SLC38A4: variants seen among roughly 807,000 people sequenced by gnomAD.
SLC38A4 encodes sodium-coupled neutral amino acid transporter 4.
A neutral mutation model predicts 63.1 loss-of-function variants in SLC38A4; 20 were observed. The ratio of observed to expected loss-of-function variants is 0.32; its 90% CI spans 0.22 to 0.46. The LOEUF (loss-of-function observed/expected upper bound fraction) is 0.46, where lower values mean the gene tolerates loss of function less well. Among genes scored for constraint, SLC38A4 ranks in the 20% least tolerant of loss-of-function variants. The pLI is 1.00. For synonymous variants in SLC38A4, 230 were observed against 225.5 expected (o/e 1.02, Z -0.18); for missense variants, 526 against 663.6 (o/e 0.79, Z 2.28).
upstream of SLC38A4, among the ~76,000 whole-genome samples, chr12:46,830,437 A>AC (rs1452073601): frequency 6.6e-6 from 1 of 151,344 alleles, no homozygotes; most frequent in African/African-American, 2.4e-5. Flanking sequence ...GATTTCTCCC[A>AC]CCCCCTGCTA....
chr12:46,797,339 C>T (rs1461039444), intron 2 of SLC38A4, among the ~76,000 whole-genome samples: 1 of 152,126 alleles, frequency 6.6e-6, no homozygotes, highest in Non-Finnish European at 1.5e-5. Context: ...TCCAAACACT[C>T]CAGGTTCCAC....
intron 7 of SLC38A4, among the ~76,000 whole-genome samples, chr12:46,781,060 A>T (rs887043800): frequency 1.1e-4 from 16 of 152,068 alleles, no homozygotes; most frequent in Admixed American, 8.5e-4. Flanking sequence ...AGTAACAGTG[A>T]TGATAATAAT....
At chr12:46,793,359 G>C (rs1938930887) in intron 2 of SLC38A4, among the ~76,000 whole-genome samples, 176 bp from the exon 3 acceptor site, 1 of 152,092 alleles carries the variant, frequency 6.6e-6, no homozygotes, top group Non-Finnish European at 1.5e-5. Context: ...AGGAAGAAAT[G>C]GAAGAGAAGA....
In SLC38A4 at chr12:46,817,533, G is replaced by C. The variant is rs372350224; in HGVS notation, c.-305+8370C>G. Among the ~76,000 whole-genome samples, 240 of 151,868 alleles carry C rather than the reference G, an allele frequency of 1.6e-3. 3 individuals are homozygous for C. The South Asian group carries it at 0.044, about 28-fold the overall frequency. Reference sequence around the variant, plus strand: ...CTGGTGCACGAAAACGATATCACAAGGTACAAATTGCCAACCCTTCTTGCA... The same window carrying C: ...CTGGTGCACGAAAACGATATCACAACGTACAAATTGCCAACCCTTCTTGCA... On this transcript the variant is annotated intron_variant, in intron 1 of 16. Coordinates refer to ENST00000266579, the MANE Select transcript of SLC38A4 (RefSeq NM_018018.5).
chr12:46,796,364 T>G (rs1158340433), intron 2 of SLC38A4, among the ~76,000 whole-genome samples: 1 of 152,218 alleles, frequency 6.6e-6, no homozygotes, highest in Non-Finnish European at 1.5e-5. Flanking sequence ...ACGTTTCTTC[T>G]GAAGTTAGTT....
chr12:46,774,632 A>G (rs899696888), intron 14 of SLC38A4, among the ~76,000 whole-genome samples: 2 of 152,066 alleles, frequency 1.3e-5, no homozygotes, highest in Admixed American at 6.6e-5. Flanking sequence ...CAACTTTTGT[A>G]TATTATTGCA....
At chr12:46,769,482 A>G in intron 14 of SLC38A4, 54 bp from the exon 15 acceptor site, 1 of 1,559,556 alleles carries the variant, frequency 6.4e-7, no homozygotes, top group Non-Finnish European at 8.8e-7. Flanking sequence ...GACTTTATCT[A>G]TTACTTCAAA....
rs770861762 is a variant in SLC38A4 at position 46,778,743 on chromosome 12, G to C, written c.751C>G (p.Leu251Val). ...CCAACACTGTGATCCAAAACAGGTA[G>C]AGGGCAGGGTATTTGGAATTTCTTG... is the stretch of plus-strand genomic sequence containing the variant. ...IYKKFQIPCP[L>V]PVLDHSVGNL... The change falls in exon 11 of 17, where the codon CTA becomes GTA. Residue 251 changes from leucine to valine, a missense_variant. Physicochemically the swap from Leu to Val is conservative, Grantham distance 32 (BLOSUM62 1). Transcript: ENST00000266579. The C allele has an allele frequency of 6.2e-7, 1 of 1,612,594 alleles. No homozygotes were observed. The highest frequency in any genetic ancestry group is 1.7e-5 in the Admixed American group (1 of 59,826).
At chr12:46,832,006 G>C (rs949110285) in intron 1 of SLC38A4, among the ~76,000 whole-genome samples, 6 of 152,086 alleles carry the variant, frequency 3.9e-5, no homozygotes. Flanking sequence ...TCCTTGAAAA[G>C]AAGTCACACA....
intron 3 of SLC38A4, among the ~76,000 whole-genome samples, chr12:46,792,307 T>A (rs1398196208): frequency 6.6e-6 from 1 of 152,108 alleles, no homozygotes; most frequent in East Asian, 1.9e-4. Context: ...GTTGGCTATG[T>A]GGGTCAAAGT....
chr12:46,787,037 T>A (rs1330603574), intron 5 of SLC38A4, among the ~76,000 whole-genome samples: 1 of 152,232 alleles, frequency 6.6e-6, no homozygotes, highest in Non-Finnish European at 1.5e-5. Flanking sequence ...ATGATGCACA[T>A]AAACGTCTGT....
At chr12:46,767,830 C>G in intron 16 of SLC38A4, among the ~76,000 whole-genome samples, 1 of 152,148 alleles carries the variant, frequency 6.6e-6, no homozygotes, top group Middle Eastern at 3.4e-3. Context: ...GTTAACAGAA[C>G]GATGAATGGT....
intron 2 of SLC38A4, among the ~76,000 whole-genome samples, chr12:46,794,902 G>A (rs920792295): frequency 1.3e-5 from 2 of 151,594 alleles, no homozygotes; most frequent in Non-Finnish European, 1.5e-5. Context: ...ATTAATATAA[G>A]GCAGCCTAAA....
chr12:46,808,585 T>C (rs1939281625), intron 1 of SLC38A4, among the ~76,000 whole-genome samples: 1 of 151,992 alleles, frequency 6.6e-6, no homozygotes, highest in Non-Finnish European at 1.5e-5. Flanking sequence ...GCCTTTCACC[T>C]TTGAAAAAGA....
At chr12:46,829,555 G>C (rs1338949144), upstream of SLC38A4, among the ~76,000 whole-genome samples, 1 of 152,114 alleles carries the variant, frequency 6.6e-6, no homozygotes, top group Non-Finnish European at 1.5e-5. Flanking sequence ...AAGCTGTTAA[G>C]TGTACTGTGA....
intron 12 of SLC38A4, among the ~76,000 whole-genome samples, chr12:46,777,384 C>A (rs1592177443): frequency 6.6e-6 from 1 of 152,050 alleles, no homozygotes; most frequent in Middle Eastern, 3.4e-3. Context: ...GTAGAGTCAG[C>A]AAAGTACTAC....
chr12:46,786,345 C>T (rs758629090), intron 5 of SLC38A4, among the ~76,000 whole-genome samples: 7 of 152,060 alleles, frequency 4.6e-5, no homozygotes, highest in Non-Finnish European at 8.8e-5. Flanking sequence ...CCAGTCTGGG[C>T]TACTTAGACA....
At chr12:46,784,979 AC>A in intron 6 of SLC38A4, 124 bp downstream of exon 6, 2 of 873,704 alleles carry the variant, frequency 2.3e-6, no homozygotes, top group Non-Finnish European at 3.8e-6. Context: ...AGATCGTGTC[AC>A]TGGGCTCAGA....
chr12:46,787,294 C>T (rs1172522461), intron 5 of SLC38A4, among the ~76,000 whole-genome samples: 1 of 152,136 alleles, frequency 6.6e-6, no homozygotes, highest in East Asian at 1.9e-4. Context: ...AGATATTAAC[C>T]AAATGAATCA....
Sources: allele counts gnomAD v4.1 joint callset (sites outside exome capture counted in the v4.1 genomes callset), GRCh38; gene constraint gnomAD v4.1.1; transcripts MANE v1.5; gene names NCBI Gene and HGNC (gene_info 2026-07-23, HGNC 2026-07-21).